The following SPAG17 variants were observed in gnomAD, a reference collection of about 807,000 sequenced individuals.
SPAG17 encodes sperm-associated antigen 17.
SPAG17 carries 169 observed loss-of-function variants against 273.6 expected under a neutral mutation model. The observed-to-expected ratio is 0.62, with a 90% CI of 0.55 to 0.70. The LOEUF is 0.70. Among genes scored for constraint, SPAG17 ranks in the 30% least tolerant of loss-of-function variants. The pLI, the probability that SPAG17 is intolerant of heterozygous loss-of-function variation, is 0.00. For synonymous variants in SPAG17, 825 were observed against 873.2 expected (o/e 0.94, Z 0.97); for missense variants, 2,557 against 2,627.8 (o/e 0.97, Z 0.59).
intron 1 of SPAG17, among the ~76,000 whole-genome samples, chr1:118,165,151 G>C (rs1465519142): frequency 6.6e-6 from 1 of 152,178 alleles, no homozygotes; most frequent in African/African-American, 2.4e-5. Flanking sequence ...AGCATGTCTT[G>C]AGTGCTAGTG....
intron 10 of SPAG17, among the ~76,000 whole-genome samples, chr1:118,090,577 T>C (rs1405805293): frequency 6.6e-6 from 1 of 151,768 alleles, no homozygotes; most frequent in Non-Finnish European, 1.5e-5. Context: ...CCAAAGAAAG[T>C]AGAAAGATGG....
intron 13 of SPAG17, among the ~76,000 whole-genome samples, chr1:118,082,221 A>G (rs1654636874): frequency 6.6e-6 from 1 of 152,108 alleles, no homozygotes; most frequent in Admixed American, 6.5e-5. Flanking sequence ...TCACTCTTTC[A>G]TTGGTTATTA....
chr1:118,114,458 T>G (rs931513782), intron 4 of SPAG17, among the ~76,000 whole-genome samples: 1 of 152,200 alleles, frequency 6.6e-6, no homozygotes, highest in Non-Finnish European at 1.5e-5. Flanking sequence ...AAGGCACTAT[T>G]GGAGCATTTT....
At chr1:118,068,658 G>A (rs10923488) in intron 17 of SPAG17, among the ~76,000 whole-genome samples, 1 of 151,996 alleles carries the variant, frequency 6.6e-6, no homozygotes, top group Admixed American at 6.6e-5. Context: ...TATTGGTTAC[G>A]TTAGTTATTT....
intron 1 of SPAG17, among the ~76,000 whole-genome samples, chr1:118,169,053 G>A (rs1660300604): frequency 1.3e-5 from 2 of 152,110 alleles, no homozygotes; most frequent in African/African-American, 2.4e-5. Context: ...GCTGAAACAT[G>A]GTCAATAGTC....
In SPAG17 at chr1:117,984,724, G is replaced by A; in HGVS notation, c.5728C>T (p.Pro1910Ser). Residue 1910 changes from proline (P) to serine (S), a missense_variant, in exon 41 of 49, where the codon CCC (proline) becomes TCC (serine). By Grantham distance (74) the Pro-to-Ser change is moderately conservative. Coordinates refer to ENST00000336338, the MANE Select transcript of SPAG17 (RefSeq NM_206996.4). ...TGGTTCAATTCAGATTTAAAAAAGG[G>A]TGGTATTATGCGGTTCTTAATATCC... The part of the protein sequence containing the change: ...LMDIKNRIIP[P>S]FFKSELNQLY... The A allele has an allele frequency of 6.2e-7, 1 of 1,611,068 alleles. No homozygotes were observed. Among genetic ancestry groups the A allele is most frequent in the East Asian group, 2.2e-5 (1 of 44,732 alleles).
chr1:118,185,210 G>A lies in SPAG17; in HGVS notation c.-53C>T, dbSNP rs934480483. The A allele has an allele frequency of 6.7e-5, 96 of 1,443,206 alleles. No individual in the cohort carries two copies. The Admixed American group carries it at 1.6e-3, about 24-fold the overall frequency. The allele number at this position is 1,443,206 out of a possible 1,614,324, so 89.4% of individuals were successfully genotyped here. A position where few individuals can be genotyped will look rare whatever the true frequency, so the allele number is the denominator to read the frequency against. ...TAAACTGGGCGCAGGCCCTGCCTAA[G>A]CGTCCCCGCTACCACAGTAACCGAA... On this transcript the variant is annotated 5_prime_UTR_variant, in exon 1 of 49. Transcript: ENST00000336338.
chr1:118,009,397 A>T (rs1219256759), intron 30 of SPAG17, among the ~76,000 whole-genome samples: 1 of 152,144 alleles, frequency 6.6e-6, no homozygotes, highest in East Asian at 1.9e-4. Flanking sequence ...AAAAACATTG[A>T]CATTAAGGAA....
At chr1:117,956,687 G>A (rs372700625) in intron 48 of SPAG17, among the ~76,000 whole-genome samples, 12 of 152,142 alleles carry the variant, frequency 7.9e-5, no homozygotes, top group African/African-American at 2.9e-4. Flanking sequence ...AATTAAAATA[G>A]TGTAGCATTG....
intron 1 of SPAG17, among the ~76,000 whole-genome samples, chr1:118,159,050 T>A (rs1192437158): frequency 3.3e-5 from 5 of 152,240 alleles, no homozygotes; most frequent in Non-Finnish European, 1.5e-5. Context: ...AGAGAACTTT[T>A]ACACATGCTT....
chr1:118,093,862 G>A (rs1655545392), intron 7 of SPAG17, among the ~76,000 whole-genome samples: 2 of 152,244 alleles, frequency 1.3e-5, no homozygotes, highest in Admixed American at 1.3e-4. Context: ...TACCTCTACA[G>A]CAAAACACTA....
chr1:118,184,168 G>C (rs1456304351), intron 1 of SPAG17, among the ~76,000 whole-genome samples: 5 of 152,026 alleles, frequency 3.3e-5, no homozygotes, highest in African/African-American at 7.3e-5. Flanking sequence ...TTCCCTTTAA[G>C]TACTGACTCT....
At chr1:118,134,685 T>C (rs1250458297) in intron 3 of SPAG17, among the ~76,000 whole-genome samples, 1 of 152,136 alleles carries the variant, frequency 6.6e-6, no homozygotes, top group Admixed American at 6.6e-5. Flanking sequence ...TAGCAAGGCA[T>C]ACTAGGGCCC....
chr1:118,034,081 G>A (rs1019601654), intron 24 of SPAG17, among the ~76,000 whole-genome samples: 7 of 152,270 alleles, frequency 4.6e-5, no homozygotes, highest in South Asian at 2.1e-4. Context: ...AGTGAATGGC[G>A]TTCAGTTTCA....
chr1:118,092,124 A>G, intron 8 of SPAG17, 122 bp from the exon 9 acceptor site: 1 of 796,110 alleles, frequency 1.3e-6, no homozygotes, highest in East Asian at 2.5e-5. Flanking sequence ...TCACACCACA[A>G]AATCATCTGC....
At chr1:118,159,087 G>A (rs1302845650) in intron 1 of SPAG17, among the ~76,000 whole-genome samples, 1 of 152,202 alleles carries the variant, frequency 6.6e-6, no homozygotes, top group Non-Finnish European at 1.5e-5. Flanking sequence ...CTGAGTATGT[G>A]GCATTTTATC....
At chr1:118,166,208 T>G (rs1216841449) in intron 1 of SPAG17, among the ~76,000 whole-genome samples, 1 of 152,152 alleles carries the variant, frequency 6.6e-6, no homozygotes, top group Admixed American at 6.5e-5. Context: ...CAATCATATT[T>G]AACAGAAAAC....
At position 118,025,391 on chromosome 1, in the gene SPAG17, G is replaced by A; in HGVS notation, c.3756C>T (p.Pro1252=). ...TCTGACGGACCATGATGTCCCAGGT[G>A]GGTTCCTCATCTATAACATATTGAC... ...STGQYVIDEE[P]TWDIMVRQSY... Residue 1252 remains proline, a synonymous_variant, in exon 27 of 49, where the codon CCC becomes CCT. Coordinates refer to ENST00000336338, the MANE Select transcript of SPAG17 (RefSeq NM_206996.4). 2.5e-6 allele frequency: 4 copies of A among 1,596,282 alleles called. No individual in the cohort carries two copies. Among genetic ancestry groups the A allele is most frequent in the Non-Finnish European group, 3.4e-6 (4 of 1,173,228 alleles).
At chr1:118,063,607 T>C (rs969558924) in intron 18 of SPAG17, among the ~76,000 whole-genome samples, 37 of 152,190 alleles carry the variant, frequency 2.4e-4, no homozygotes, top group African/African-American at 8.7e-4. Context: ...AAGACTTAAA[T>C]GTTAGACCTA....
Sources: gnomAD v4.1 joint callset for allele counts (sites outside exome capture counted in the v4.1 genomes callset) on GRCh38, gnomAD v4.1.1 for gene constraint, MANE v1.5 for transcripts, NCBI Gene and HGNC (gene_info 2026-07-23, HGNC 2026-07-21) for gene names.